Variants in ENOSF1 observed in about 807,000 individuals in gnomAD.
ENOSF1 encodes enolase superfamily member 1.
A neutral mutation model predicts 68.2 loss-of-function variants in ENOSF1; 73 were observed. The ratio of observed to expected loss-of-function variants is 1.07; its 90% CI spans 0.89 to 1.30. The LOEUF is 1.30. ENOSF1 is among the 50% of genes most tolerant of loss of function. The probability of loss-of-function intolerance (pLI) is 0.00; values close to 1 mark genes in which losing one functional copy is unlikely to be tolerated. For synonymous variants in ENOSF1, 223 were observed against 210.4 expected (o/e 1.06, Z -0.52); for missense variants, 589 against 554.5 (o/e 1.06, Z -0.62).
chr18:678,298 T>A (rs1393941633), intron 12 of ENOSF1: 1 of 312,946 alleles, frequency 3.2e-6, no homozygotes, highest in East Asian at 7.7e-5. Context: ...GCTGCTCTGC[T>A]CGTGGGCTGA....
chr18:684,062 C>T (rs1416755331), intron 10 of ENOSF1, among the ~76,000 whole-genome samples: 3 of 151,428 alleles, frequency 2.0e-5, no homozygotes, highest in Non-Finnish European at 2.9e-5. Flanking sequence ...GGCGCTATCT[C>T]GGCTCACTGC....
At chr18:690,455 G>C in intron 8 of ENOSF1, 94 bp downstream of exon 8, 1 of 1,371,768 alleles carries the variant, frequency 7.3e-7, no homozygotes, top group South Asian at 1.2e-5. Flanking sequence ...GGTGTCAGAA[G>C]TGAGGTACTG....
intron 2 of ENOSF1, among the ~76,000 whole-genome samples, chr18:705,268 T>C (rs182692341): frequency 1.6e-3 from 249 of 152,334 alleles, no homozygotes; most frequent in Non-Finnish European, 2.8e-3. Context: ...CTTCAATCTA[T>C]CATAATTTGG....
chr18:705,702 G>A (rs1166687561), intron 2 of ENOSF1, among the ~76,000 whole-genome samples: 4 of 152,074 alleles, frequency 2.6e-5, no homozygotes, highest in South Asian at 4.2e-4. Flanking sequence ...ACTGGAAACC[G>A]ATTTGGTGTG....
rs144744186 is a variant in ENOSF1, at chr18:709,679, G to A, written c.84+2825C>T. Among the ~76,000 whole-genome samples the A allele has an allele frequency of 2.3e-4, 35 of 152,126 alleles. No homozygotes were observed. The East Asian group carries it at 6.2e-3, about 27-fold the overall frequency. ...ACAGCTACTCCAGAGGCTGAGGTACGAGAATCATTTGCATATGGGAGGCAG... is the reference window on the plus strand; with the variant it reads ...ACAGCTACTCCAGAGGCTGAGGTACAAGAATCATTTGCATATGGGAGGCAG... On this transcript the variant is annotated intron_variant, in intron 1 of 15. Transcript: ENST00000647584.
intron 15 of ENOSF1, 23 bp from the exon 16 acceptor site, chr18:674,429 G>T: frequency 6.6e-7 from 1 of 1,518,036 alleles, no homozygotes; most frequent in Non-Finnish European, 9.1e-7. Flanking sequence ...AAAAAAATGA[G>T]TCCTGTTAAC....
At chr18:705,971 T>C (rs1168212411) in intron 2 of ENOSF1, among the ~76,000 whole-genome samples, 1 of 152,082 alleles carries the variant, frequency 6.6e-6, no homozygotes, top group Admixed American at 6.5e-5. Flanking sequence ...ATTGTGCCAC[T>C]GCACTCCAGC....
At position 673,659 on chromosome 18, in the gene ENOSF1, CTCATTT is replaced by C. The variant is rs376475269; in HGVS notation, c.*640_*645del. 1.2e-5 allele frequency: 2 copies of C among 164,528 alleles called. No individual in the cohort carries two copies. The highest frequency in any genetic ancestry group is 1.3e-4 in the East Asian group (1 of 7,804). 10.2% of individuals were successfully genotyped at this position (164,528 alleles called of 1,614,324 possible). ...AGTGAATATATTTTGCCCTATTTTT[CTCATTT>C]TAACTGCATCTTATCCTCAAAATAT... On this transcript the variant is annotated 3_prime_UTR_variant, in exon 16 of 16. Transcript: ENST00000647584.
At chr18:664,959 G>C in the ENOSF1 span, among the ~76,000 whole-genome samples, 3,346 of 148,034 alleles carry the variant, frequency 0.023, 129 homozygotes, top group African/African-American at 0.081. Context: ...TGTTCATCAA[G>C]GATATTGGTC....
intron 5 of ENOSF1, chr18:692,923 GTGTTCTT>G: frequency 8.5e-7 from 1 of 1,176,730 alleles, no homozygotes; most frequent in Non-Finnish European, 1.1e-6. Flanking sequence ...CAAGGCCATG[GTGTTCTT>G]TGTTTTTCCT....
downstream of ENOSF1, chr18:667,844 C>T (rs2074887881): frequency 6.6e-6 from 1 of 152,096 alleles, no homozygotes; most frequent in Admixed American, 6.5e-5. Context: ...GCTTTAAATC[C>T]TGCCTAGTAT....
At chr18:706,713 C>T in intron 1 of ENOSF1, 135 bp from the exon 2 acceptor site, 3 of 606,442 alleles carry the variant, frequency 4.9e-6, no homozygotes, top group Non-Finnish European at 8.8e-6. Flanking sequence ...GGAACTGTTG[C>T]TATACCCCAA....
chr18:670,737 T>C lies in ENOSF1; in HGVS notation c.*3568A>G. 1 of 1,614,174 alleles carries C rather than the reference T, an allele frequency of 6.2e-7. No homozygotes were observed. The highest frequency in any genetic ancestry group is 8.5e-7 in the Non-Finnish European group (1 of 1,180,030). ...CCTCCATGCCATGCCCTCTGCCAGT[T>C]CTATGTGGTGAACAGTGAGCTGTCC... is the stretch of plus-strand genomic sequence containing the variant. On this transcript the variant is annotated 3_prime_UTR_variant, in exon 16 of 16. Transcript: ENST00000647584.
In ENOSF1 at chr18:685,976, T is replaced by A. The variant is rs767061272; in HGVS notation, c.686A>T (p.Asp229Val). 19 of 1,614,164 alleles carry A rather than the reference T, an allele frequency of 1.2e-5. No individual in the cohort carries two copies. The highest frequency in any genetic ancestry group is 1.5e-5 in the Non-Finnish European group (18 of 1,180,018). ...GATGATTTGGCATCTTCGCATGTCATCCTGGAGATCAGCACCCACCTTTAC... is the reference window on the plus strand; with the variant it reads ...GATGATTTGGCATCTTCGCATGTCAACCTGGAGATCAGCACCCACCTTTAC... ...FKVKVGADLQ[D>V]DMRRCQIIRD... is the part of the protein sequence containing the mutation. Residue 229 changes from aspartate to valine, a missense_variant, in exon 10 of 16, where the codon GAT becomes GTT. Transcript: ENST00000647584.
At chr18:706,416 G>C (rs1018583629) in intron 2 of ENOSF1, 54 bp downstream of exon 2, 2 of 1,138,294 alleles carry the variant, frequency 1.8e-6, no homozygotes, top group African/African-American at 3.0e-5. Flanking sequence ...ATCTAAATTA[G>C]AATCTCATCT....
At chr18:698,201 T>C (rs758888386) in intron 2 of ENOSF1, among the ~76,000 whole-genome samples, 8 of 152,240 alleles carry the variant, frequency 5.3e-5, no homozygotes, top group Admixed American at 1.3e-4. Context: ...TGATTGGCTG[T>C]CACATGAAAA....
intron 11 of ENOSF1, among the ~76,000 whole-genome samples, chr18:679,740 C>T (rs1006798172): frequency 6.6e-6 from 1 of 152,108 alleles, no homozygotes; most frequent in Admixed American, 6.5e-5. Context: ...ACACTACCTC[C>T]GTCACCTGCC....
chr18:678,004 T>C (rs1598531347), intron 12 of ENOSF1, 132 bp from the exon 13 acceptor site: 2 of 1,101,930 alleles, frequency 1.8e-6, no homozygotes, highest in Non-Finnish European at 2.5e-6. Context: ...AGACTGTATT[T>C]CTTCTTTGTT....
At position 671,434 on chromosome 18, in the gene ENOSF1, G is replaced by C. The variant is rs780321607; in HGVS notation, c.*2871C>G. The C allele has an allele frequency of 6.2e-7, 1 of 1,610,234 alleles. No individual in the cohort carries two copies. Among genetic ancestry groups the C allele is most frequent in the Non-Finnish European group, 8.5e-7 (1 of 1,178,264 alleles). ...TGCACATATTTACCTGAATCACATCGAGCCACTGAAAATTCAGGTAAGAAT... is the reference window on the plus strand; with the variant it reads ...TGCACATATTTACCTGAATCACATCCAGCCACTGAAAATTCAGGTAAGAAT... On this transcript the variant is annotated 3_prime_UTR_variant, in exon 16 of 16. Coordinates refer to ENST00000647584, the MANE Select transcript of ENOSF1 (RefSeq NM_017512.7).
Sources: gnomAD v4.1 joint callset for allele counts (sites outside exome capture counted in the v4.1 genomes callset) on GRCh38, gnomAD v4.1.1 for gene constraint, MANE v1.5 for transcripts, NCBI Gene and HGNC (gene_info 2026-07-23, HGNC 2026-07-21) for gene names.